The following AUH variants were observed in gnomAD, a reference collection of about 807,000 sequenced individuals.
The protein encoded by AUH is AU RNA binding methylglutaconyl-CoA hydratase, also known as methylglutaconyl-CoA hydratase, mitochondrial.
A neutral mutation model predicts 42.3 loss-of-function variants in AUH; 29 were observed. The observed-to-expected ratio is 0.69, with a 90% CI of 0.51 to 0.93. AUH has a LOEUF of 0.93. AUH is among the 40% of genes least tolerant of loss of function. The pLI is 0.00. For synonymous variants in AUH, 174 were observed against 166.4 expected (o/e 1.05, Z -0.35); for missense variants, 452 against 438.1 (o/e 1.03, Z -0.28).
In AUH at chr9:91,253,963, G is replaced by A. The variant is rs181767449; in HGVS notation, c.656-32971C>T. Among the ~76,000 whole-genome samples, 90 of 152,222 alleles carry A rather than the reference G, an allele frequency of 5.9e-4. 1 individual carries two copies. Among genetic ancestry groups the A allele is most frequent in the African/African-American group, 2.1e-3 (86 of 41,544 alleles). On this transcript the variant is annotated intron_variant, in intron 6 of 9. Transcript: ENST00000375731. ...ACGTTAAGTCAAATAAATAAGCTAA[G>A]TACAGAGTGAAAATAATTACATTTC... is the stretch of plus-strand genomic sequence containing the variant.
intron 4 of AUH, among the ~76,000 whole-genome samples, chr9:91,312,054 G>A (rs188461336): frequency 6.6e-5 from 10 of 151,074 alleles, no homozygotes; most frequent in African/African-American, 2.2e-4. Context: ...TTTTATTCTA[G>A]GATTTTACTG....
intron 6 of AUH, among the ~76,000 whole-genome samples, chr9:91,224,836 C>A (rs1564009146): frequency 2.0e-5 from 3 of 152,028 alleles, no homozygotes; most frequent in Middle Eastern, 6.8e-3. Context: ...GTAAACTGTC[C>A]CCTCCACCCC....
intron 4 of AUH, among the ~76,000 whole-genome samples, chr9:91,300,172 T>C (rs1463131590): frequency 1.3e-5 from 2 of 152,112 alleles, no homozygotes; most frequent in African/African-American, 4.8e-5. Flanking sequence ...TGCCTTTCCA[T>C]CTACCTCTGG....
intron 1 of AUH, among the ~76,000 whole-genome samples, chr9:91,358,198 C>T (rs1171032831): frequency 1.3e-5 from 2 of 152,230 alleles, no homozygotes; most frequent in Admixed American, 6.5e-5. Flanking sequence ...TACCAGGTTT[C>T]TGGCTTCACC....
At chr9:91,262,807 T>G (rs1235244156) in intron 6 of AUH, among the ~76,000 whole-genome samples, 1 of 152,212 alleles carries the variant, frequency 6.6e-6, no homozygotes, top group Non-Finnish European at 1.5e-5. Context: ...GTGAACCAGC[T>G]GCCTGTTTTG....
chr9:91,216,756 C>T (rs930944551), intron 8 of AUH, among the ~76,000 whole-genome samples: 3 of 152,148 alleles, frequency 2.0e-5, no homozygotes, highest in African/African-American at 7.2e-5. Context: ...GTGCACCACC[C>T]CCTCCTCCCA....
chr9:91,264,156 C>T (rs558666467), intron 6 of AUH, among the ~76,000 whole-genome samples: 4 of 152,180 alleles, frequency 2.6e-5, no homozygotes, highest in African/African-American at 9.6e-5. Flanking sequence ...TGTGTATATA[C>T]ACAATTTAAT....
At chr9:91,315,034 G>A (rs541031230) in intron 4 of AUH, among the ~76,000 whole-genome samples, 3 of 152,206 alleles carry the variant, frequency 2.0e-5, no homozygotes, top group South Asian at 2.1e-4. Flanking sequence ...AACGATTCTC[G>A]TGCCTCAGCC....
At chr9:91,229,916 A>G (rs9792516) in intron 6 of AUH, among the ~76,000 whole-genome samples, 35,483 of 151,904 alleles carry the variant, frequency 0.23, 4,529 homozygotes, top group East Asian at 0.33. Flanking sequence ...GGTTTCTGCC[A>G]AGAGATTCGC....
At chr9:91,338,269 A>G (rs1248845262) in intron 3 of AUH, among the ~76,000 whole-genome samples, 1 of 152,184 alleles carries the variant, frequency 6.6e-6, no homozygotes, top group Non-Finnish European at 1.5e-5. Flanking sequence ...CTTCTTTCTG[A>G]AACGTGATGA....
chr9:91,272,683 T>A (rs191738990), intron 6 of AUH, among the ~76,000 whole-genome samples: 1 of 152,314 alleles, frequency 6.6e-6, no homozygotes, highest in Admixed American at 6.5e-5. Context: ...ATTTTATGTA[T>A]CCGTCTGCCT....
chr9:91,279,199 A>G (rs1405700259), intron 6 of AUH, among the ~76,000 whole-genome samples: 1 of 152,236 alleles, frequency 6.6e-6, no homozygotes, highest in Non-Finnish European at 1.5e-5. Context: ...ATAAAGTGTT[A>G]GTCCTTACAA....
chr9:91,233,324 G>T (rs1386922278), intron 6 of AUH, among the ~76,000 whole-genome samples: 1 of 152,176 alleles, frequency 6.6e-6, no homozygotes, highest in African/African-American at 2.4e-5. Flanking sequence ...CACAGGTTTT[G>T]TGGGAATTGC....
intron 3 of AUH, among the ~76,000 whole-genome samples, chr9:91,351,125 A>C (rs1831945417): frequency 6.6e-6 from 1 of 152,046 alleles, no homozygotes. Flanking sequence ...ACGCACCACC[A>C]TGCCTGGCTA....
chr9:91,227,720 A>G lies in AUH; in HGVS notation c.656-6728T>C, dbSNP rs180903825. 7.0e-3 allele frequency among the ~76,000 whole-genome samples: 1,063 copies of G among 151,362 alleles called. 13 individuals are homozygous for G. Among genetic ancestry groups the G allele is most frequent in the East Asian group, 0.041 (211 of 5,134 alleles). On this transcript the variant is annotated intron_variant, in intron 6 of 9. Transcript: ENST00000375731. ...TAGATAGCTCTTATTATTTTGAAATATGTCCCATCAATACCTAATTTATTG... is the reference window on the plus strand; with the variant it reads ...TAGATAGCTCTTATTATTTTGAAATGTGTCCCATCAATACCTAATTTATTG...
At chr9:91,339,502 T>C (rs1830943912) in intron 3 of AUH, among the ~76,000 whole-genome samples, 1 of 152,196 alleles carries the variant, frequency 6.6e-6, no homozygotes, top group South Asian at 2.1e-4. Flanking sequence ...GGTGATAAAC[T>C]GGAAATGGAG....
At chr9:91,356,193 A>G in intron 1 of AUH, 38 bp from the exon 2 acceptor site, 1 of 1,552,868 alleles carries the variant, frequency 6.4e-7, no homozygotes. Flanking sequence ...CACTTGAGTG[A>G]GCAAGGCATT....
At chr9:91,233,343 C>G (rs1021550786) in intron 6 of AUH, among the ~76,000 whole-genome samples, 1 of 152,120 alleles carries the variant, frequency 6.6e-6, no homozygotes, top group Admixed American at 6.5e-5. Flanking sequence ...GCAACTGATT[C>G]ACTTGTGGAG....
intron 3 of AUH, among the ~76,000 whole-genome samples, chr9:91,341,986 G>C (rs1018409615): frequency 6.6e-6 from 1 of 152,204 alleles, no homozygotes; most frequent in African/African-American, 2.4e-5. Context: ...AGCAGAGAGA[G>C]TAAGAAAGGC....
Sources: allele counts gnomAD v4.1 joint callset (sites outside exome capture counted in the v4.1 genomes callset), GRCh38; gene constraint gnomAD v4.1.1; transcripts MANE v1.5; gene names NCBI Gene and HGNC (gene_info 2026-07-23, HGNC 2026-07-21).